SUN3: variants seen among roughly 807,000 people sequenced by gnomAD.
SUN3 encodes SUN domain-containing protein 3.
In SUN3, 36 loss-of-function variants were observed where a neutral mutation model predicts 48.2. The observed-to-expected ratio is 0.75, with a 90% CI of 0.57 to 0.99. The LOEUF is 0.99. Among genes scored for constraint, SUN3 ranks in the 50% least tolerant of loss-of-function variants. The pLI is 0.00. For missense variants in SUN3, 419 were observed against 433.1 expected (o/e 0.97, Z 0.29); for synonymous variants, 148 against 147.9 (o/e 1.00, Z 0.00).
chr7:48,030,788 C>G (rs887791632), upstream of SUN3, among the ~76,000 whole-genome samples: 1 of 152,194 alleles, frequency 6.6e-6, no homozygotes, highest in Non-Finnish European at 1.5e-5. Context: ...GGAGGAACTT[C>G]TGGGTCAAAG....
chr7:48,032,024 T>C (rs1790262647), upstream of SUN3, among the ~76,000 whole-genome samples: 1 of 152,212 alleles, frequency 6.6e-6, no homozygotes, highest in South Asian at 2.1e-4. Flanking sequence ...GAATACTGTA[T>C]GATCTAATTT....
chr7:47,994,827 T>C (rs576967947), intron 7 of SUN3, among the ~76,000 whole-genome samples: 2 of 152,256 alleles, frequency 1.3e-5, no homozygotes, highest in East Asian at 1.9e-4. Flanking sequence ...GTGGTAATAA[T>C]GGTGGCAGTG....
At chr7:47,989,940 C>T (rs770925512) in intron 8 of SUN3, among the ~76,000 whole-genome samples, 31 of 152,238 alleles carry the variant, frequency 2.0e-4, no homozygotes, top group Non-Finnish European at 2.9e-4. Flanking sequence ...TCCCTACTCT[C>T]AAGTACCCAG....
At chr7:48,009,812 C>T (rs896470283) in intron 3 of SUN3, among the ~76,000 whole-genome samples, 15 of 152,076 alleles carry the variant, frequency 9.9e-5, no homozygotes, top group Admixed American at 4.6e-4. Flanking sequence ...TGCTGGAGTG[C>T]AGGCAGCACT....
chr7:48,003,409 T>C (rs1427633779), intron 6 of SUN3, among the ~76,000 whole-genome samples: 1 of 152,230 alleles, frequency 6.6e-6, no homozygotes, highest in Non-Finnish European at 1.5e-5. Flanking sequence ...TGGTTTCATA[T>C]GAATTTTAAA....
chr7:47,995,179 AGTG>A (rs1481715397), intron 7 of SUN3, among the ~76,000 whole-genome samples: 12 of 140,676 alleles, frequency 8.5e-5, no homozygotes, highest in Admixed American at 6.9e-4. Context: ...TGACAGTGAT[AGTG>A]GTGGTGGTGA....
chr7:48,007,998 A>C (rs955792346), intron 4 of SUN3, among the ~76,000 whole-genome samples: 1 of 151,648 alleles, frequency 6.6e-6, no homozygotes, highest in Non-Finnish European at 1.5e-5. Flanking sequence ...TAATTTTTGT[A>C]TTTTTAGTAG....
intron 8 of SUN3, among the ~76,000 whole-genome samples, chr7:47,990,575 C>G (rs1789029240): frequency 1.3e-5 from 2 of 152,076 alleles, no homozygotes; most frequent in South Asian, 4.1e-4. Context: ...TCTTTCTTTT[C>G]TCAAGTCTCT....
rs1789596613 is a variant in SUN3, at chr7:48,008,583, G to A, written c.329+452C>T. Among the ~76,000 whole-genome samples the A allele has an allele frequency of 1.3e-5, 2 of 152,172 alleles. 1 individual carries two copies. Among genetic ancestry groups the A allele is most frequent in the Admixed American group, 1.3e-4 (2 of 15,276 alleles). The stretch of plus-strand genomic sequence containing the variant: ...CTCAGTGTGTATTTTGTCAAGGAAT[G>A]CTCCATAGAAGTAGAAATATGTAAA... On this transcript the variant is annotated intron_variant, in intron 4 of 9. Transcript: ENST00000297325.
chr7:48,021,381 C>G (rs1789991799), intron 2 of SUN3, among the ~76,000 whole-genome samples: 1 of 152,010 alleles, frequency 6.6e-6, no homozygotes, highest in East Asian at 1.9e-4. Flanking sequence ...ACCCCACAAG[C>G]ACAGGCAACA....
At chr7:48,025,584 A>C (rs865816325) in intron 2 of SUN3, among the ~76,000 whole-genome samples, 18 of 152,226 alleles carry the variant, frequency 1.2e-4, no homozygotes, top group African/African-American at 4.1e-4. Flanking sequence ...GTTTGCAATA[A>C]ATATATTAGA....
intron 3 of SUN3, among the ~76,000 whole-genome samples, chr7:48,010,102 AACAC>A (rs200536018): frequency 6.6e-6 from 1 of 151,898 alleles, no homozygotes; most frequent in African/African-American, 2.4e-5. Context: ...CACACACACA[AACAC>A]ACACACTCCA....
At chr7:48,031,832 GCACA>G (rs3073706), upstream of SUN3, among the ~76,000 whole-genome samples, 1,201 of 142,318 alleles carry the variant, frequency 8.4e-3, 8 homozygotes, top group African/African-American at 0.017. Flanking sequence ...TGTGATTTAT[GCACA>G]CACACACACA....
At chr7:48,034,545 C>T in the SUN3 span, among the ~76,000 whole-genome samples, 1 of 152,192 alleles carries the variant, frequency 6.6e-6, no homozygotes, top group African/African-American at 2.4e-5. Context: ...AACTTATCCC[C>T]TCAAACTCTC....
chr7:47,987,449 G>T lies in SUN3; in HGVS notation c.955C>A (p.His319Asn). The T allele has an allele frequency of 6.4e-7, 1 of 1,552,672 alleles. No individual in the cohort carries two copies. ...CATAATAAATATTCAGAAACTGCAT[G>T]CTGAAAATAAAGAAAAGAAAATCAA... ...GTTVQTFELQ[H>N]AVSEYLLCVK... Residue 319 changes from histidine (H) to asparagine (N), a missense_variant and splice_region_variant, in exon 10 of 10, where the codon CAT (histidine) becomes AAT (asparagine). His to Asn is a moderately conservative substitution (Grantham distance 68, BLOSUM62 1). Coordinates refer to ENST00000297325, the MANE Select transcript of SUN3 (RefSeq NM_001030019.2).
chr7:48,027,409 C>T (rs988011049), intron 1 of SUN3, among the ~76,000 whole-genome samples: 6 of 152,064 alleles, frequency 3.9e-5, no homozygotes, highest in African/African-American at 1.5e-4. Context: ...CATGCATAAT[C>T]CGTTGCAGTA....
intron 9 of SUN3, among the ~76,000 whole-genome samples, chr7:47,988,151 A>AT (rs1788952737): frequency 6.6e-6 from 1 of 152,186 alleles, no homozygotes; most frequent in Non-Finnish European, 1.5e-5. Flanking sequence ...TTTCTAACAT[A>AT]TATGTATTGT....
intron 6 of SUN3, among the ~76,000 whole-genome samples, chr7:48,001,531 G>GTTTTTTT (rs1166666161): frequency 8.1e-5 from 9 of 110,510 alleles, no homozygotes; most frequent in African/African-American, 2.5e-4. Flanking sequence ...TGTTTTTTTT[G>GTTTTTTT]TTTTTTTTTT....
intron 7 of SUN3, among the ~76,000 whole-genome samples, chr7:47,995,500 G>T (rs1789185595): frequency 1.3e-5 from 2 of 152,216 alleles, no homozygotes; most frequent in Admixed American, 1.3e-4. Context: ...CTAACTTCAG[G>T]TGTATGGATC....
Sources: gnomAD v4.1 joint callset for allele counts (sites outside exome capture counted in the v4.1 genomes callset) on GRCh38, gnomAD v4.1.1 for gene constraint, MANE v1.5 for transcripts, NCBI Gene and HGNC (gene_info 2026-07-23, HGNC 2026-07-21) for gene names.